The following ARHGAP23 variants were observed in gnomAD, a reference collection of about 807,000 sequenced individuals.
The protein encoded by ARHGAP23 is rho GTPase-activating protein 23.
ARHGAP23 carries 34 observed loss-of-function variants against 136.3 expected under a neutral mutation model. The observed-to-expected ratio is 0.25, with a 90% CI of 0.19 to 0.33. The LOEUF (loss-of-function observed/expected upper bound fraction) is 0.33. Ranked by LOEUF, ARHGAP23 falls within the 10% of genes least tolerant of loss-of-function variation. The pLI is 1.00. For synonymous variants in ARHGAP23, 832 were observed against 920.5 expected (o/e 0.90, Z 1.74); for missense variants, 1,808 against 2,139.0 (o/e 0.85, Z 3.05).
At chr17:38,437,326 A>AT (rs2038819029) in intron 1 of ARHGAP23, among the ~76,000 whole-genome samples, 2 of 151,456 alleles carry the variant, frequency 1.3e-5, no homozygotes, top group South Asian at 4.2e-4. Flanking sequence ...GGGTCTCCCT[A>AT]TATTGCCTAG....
rs546735657 is a variant in ARHGAP23, at chr17:38,492,611, C to T, written c.3276+1079C>T. Among the ~76,000 whole-genome samples the T allele has an allele frequency of 6.6e-5, 10 of 152,296 alleles. No homozygotes were observed. The East Asian group carries it at 1.2e-3, about 18-fold the overall frequency. On this transcript the variant is annotated intron_variant, in intron 20 of 23. Coordinates refer to ENST00000622683, the MANE Select transcript of ARHGAP23 (RefSeq NM_001199417.2). ...GGTCCCTCCTTGAGCTGGCTTGGGA[C>T]GGAGGGAGGGGGCCAGGGTAAGGAG...
At chr17:38,453,924 G>A (rs2039258497) in intron 1 of ARHGAP23, 1 of 145,866 alleles carries the variant, frequency 6.9e-6, no homozygotes, top group Non-Finnish European at 1.5e-5. Flanking sequence ...CCCGGCCTGG[G>A]GCGTACTGGG....
rs1052560710 is a variant in ARHGAP23 at position 38,458,138 on chromosome 17, C to T, written c.100C>T (p.Arg34Cys). 1.2e-5 allele frequency: 18 copies of T among 1,536,010 alleles called. No individual in the cohort carries two copies. The highest frequency in any genetic ancestry group is 1.4e-5 in the Non-Finnish European group (16 of 1,146,914). Residue 34 changes from arginine (R) to cysteine (C), a missense_variant, in exon 2 of 24, where the codon CGC (arginine) becomes TGC (cysteine). Arg to Cys is a radical substitution (Grantham distance 180). Around this residue, in one of 7 missense-constraint regions of ARHGAP23, gnomAD observed 859 missense variants for 936.4 expected, o/e 0.92. Coordinates refer to ENST00000622683, the MANE Select transcript of ARHGAP23 (RefSeq NM_001199417.2). ...CCCAAGAGATGGGTGCTCTCCTAGG[C>T]GCCCCTTCCCCTGGCAGGGGCCGAG... ...LGPRDGCSPR[R>C]PFPWQGPRTL...
At chr17:38,441,269 G>C (rs796510516) in intron 1 of ARHGAP23, among the ~76,000 whole-genome samples, 8 of 152,356 alleles carry the variant, frequency 5.3e-5, no homozygotes, top group African/African-American at 1.9e-4. Flanking sequence ...TCCCGTGGGA[G>C]GGGCAGAAAG....
chr17:38,428,683 C>A (rs959374445), intron 1 of ARHGAP23, 135 bp downstream of exon 1: 5 of 531,950 alleles, frequency 9.4e-6, no homozygotes, highest in African/African-American at 6.0e-5. Context: ...GCGGGCACCG[C>A]TGCGGGGAGA....
In ARHGAP23 at chr17:38,472,186, G is replaced by T. The variant is rs140444206; in HGVS notation, c.2118+180G>T. 5.8e-3 allele frequency among the ~76,000 whole-genome samples: 881 copies of T among 152,322 alleles called. 12 individuals are homozygous for T. Among genetic ancestry groups the T allele is most frequent in the African/African-American group, 0.02 (820 of 41,576 alleles). On this transcript the variant is annotated intron_variant, in intron 11 of 23. Transcript: ENST00000622683. ...GGGGATTTAAAGAACTTATGTAAAA[G>T]AAGTTAACAAGAGAGGTGGATTTTG...
intron 1 of ARHGAP23, among the ~76,000 whole-genome samples, chr17:38,420,453 A>G (rs571191257): frequency 1.3e-5 from 2 of 152,322 alleles, no homozygotes; most frequent in East Asian, 3.9e-4. Context: ...TGCCTAAAGC[A>G]GTGGCTGGGG....
In ARHGAP23 at chr17:38,460,569, A is replaced by G. The variant is rs578121560; in HGVS notation, c.226-336A>G. Among the ~76,000 whole-genome samples, 6 of 152,116 alleles carry G rather than the reference A, an allele frequency of 3.9e-5. No homozygotes were observed. In the East Asian group the frequency reaches 1.2e-3, roughly 29 times the overall value. On this transcript the variant is annotated intron_variant, in intron 2 of 23. Coordinates refer to ENST00000622683, the MANE Select transcript of ARHGAP23 (RefSeq NM_001199417.2). ...TGTAGTTTGCGCTTGTCACGTGCCT[A>G]TCTGTGACTGCCCGCGTCTTCTGTG...
At chr17:38,507,940 T>C (rs2040671525) in intron 23 of ARHGAP23, among the ~76,000 whole-genome samples, 1 of 152,142 alleles carries the variant, frequency 6.6e-6, no homozygotes, top group South Asian at 2.1e-4. Flanking sequence ...TGAGGAGGGG[T>C]TGAAAGGGCA....
intron 22 of ARHGAP23, among the ~76,000 whole-genome samples, 199 bp downstream of exon 22, chr17:38,498,709 C>G (rs2040448774): frequency 6.6e-6 from 1 of 152,202 alleles, no homozygotes; most frequent in East Asian, 1.9e-4. Context: ...CACCTCCTGT[C>G]TGCGCAGCTG....
At position 38,460,832 on chromosome 17, in the gene ARHGAP23, C is replaced by T. The variant is rs11869478; in HGVS notation, c.226-73C>T. The T allele has an allele frequency of 9.9e-4, 1,528 of 1,535,958 alleles. 13 individuals are homozygous for T. The African/African-American group carries it at 0.017, about 17-fold the overall frequency. On this transcript the variant is annotated intron_variant, in intron 2 of 23. Transcript: ENST00000622683. ...TGGCGGGAACCTGAAGGGGCCCTGCCCACTGGAGCTGGGCCACCCCTGGCT... is the reference window on the plus strand; with the variant it reads ...TGGCGGGAACCTGAAGGGGCCCTGCTCACTGGAGCTGGGCCACCCCTGGCT...
Position 38,437,427 on chromosome 17 carries a change from G to T in ARHGAP23, c.63+8879G>T, listed in dbSNP as rs544648029. Reference sequence around the variant, plus strand: ...AGGCATGAACCAAAGATCAATTTGAGACCAACATGGGCAACATAGCAAGAC... The same window carrying T: ...AGGCATGAACCAAAGATCAATTTGATACCAACATGGGCAACATAGCAAGAC... On this transcript the variant is annotated intron_variant, in intron 1 of 23. Transcript: ENST00000622683. Among the ~76,000 whole-genome samples the T allele has an allele frequency of 3.7e-4, 56 of 152,136 alleles. 1 individual carries two copies. The highest frequency in any genetic ancestry group is 5.9e-4 in the Non-Finnish European group (40 of 67,996).
chr17:38,428,437 G>C (rs9912941), upstream of ARHGAP23: 10 of 1,253,316 alleles, frequency 8.0e-6, no homozygotes, highest in Non-Finnish European at 8.3e-6. Flanking sequence ...CCGGGTCCCT[G>C]CCGGCGCCCC....
chr17:38,474,963 C>G (rs2039858767), intron 11 of ARHGAP23, among the ~76,000 whole-genome samples: 2 of 152,158 alleles, frequency 1.3e-5, no homozygotes, highest in Admixed American at 1.3e-4. Flanking sequence ...GGAGCCTGAC[C>G]CTCAGCTCCT....
intron 1 of ARHGAP23, among the ~76,000 whole-genome samples, chr17:38,437,797 G>T (rs920446839): frequency 2.0e-5 from 3 of 148,378 alleles, no homozygotes; most frequent in South Asian, 2.1e-4. Flanking sequence ...CATAACGAAG[G>T]GGGGGGAGGG....
chr17:38,479,932 TGGGGA>T, intron 14 of ARHGAP23, 49 bp downstream of exon 14: 141 of 697,934 alleles, frequency 2.0e-4, no homozygotes, highest in Middle Eastern at 5.1e-4. Context: ...GCAGGGGGCA[TGGGGA>T]GGGGAGGGCA....
Position 38,466,418 on chromosome 17 carries a change from G to T in ARHGAP23, c.735G>T (p.Leu245Phe), listed in dbSNP as rs2039595638. ...AARAHLDNSSLGMSQPRPSPG... is the reference protein window; with the variant it reads ...AARAHLDNSSFGMSQPRPSPG... ...GTGCCCACCTGGACAACTCTTCCTT[G>T]GGGATGAGCCAGCCCCGCCCCAGCC... is the stretch of plus-strand genomic sequence containing the variant. Residue 245 changes from leucine to phenylalanine, a missense_variant, in exon 7 of 24, where the codon TTG (leucine) becomes TTT (phenylalanine). Around this residue, in one of 7 missense-constraint regions of ARHGAP23, gnomAD observed 859 missense variants for 936.4 expected, o/e 0.92. Transcript: ENST00000622683. 1 of 1,529,938 alleles carries T rather than the reference G, an allele frequency of 6.5e-7. No individual in the cohort carries two copies. The allele number at this position is 1,529,938 out of a possible 1,614,324, so 94.8% of individuals were successfully genotyped here. A position where few individuals can be genotyped will look rare whatever the true frequency, so the allele number is the denominator to read the frequency against.
chr17:38,497,560 C>G (rs2040420309), intron 20 of ARHGAP23, among the ~76,000 whole-genome samples: 1 of 152,262 alleles, frequency 6.6e-6, no homozygotes, highest in African/African-American at 2.4e-5. Context: ...TCCTCCCACA[C>G]TGGGGTCCCA....
At chr17:38,504,792 C>T (rs967393632) in intron 23 of ARHGAP23, among the ~76,000 whole-genome samples, 31 of 151,998 alleles carry the variant, frequency 2.0e-4, no homozygotes, top group African/African-American at 7.5e-4. Context: ...AGACGTTCTC[C>T]AGGCTGTGTC....
Sources: gnomAD v4.1 joint callset for allele counts (sites outside exome capture counted in the v4.1 genomes callset) on GRCh38, gnomAD v4.1.1 for gene constraint, gnomAD v4.1.1 regional missense constraint, MANE v1.5 for transcripts, NCBI Gene and HGNC (gene_info 2026-07-23, HGNC 2026-07-21) for gene names.